EVC2: variants seen among roughly 807,000 people sequenced by gnomAD.
The protein encoded by EVC2 is limbin.
EVC2 carries 148 observed loss-of-function variants against 149.3 expected under a neutral mutation model. That is an observed-to-expected ratio of 0.99 (90% CI 0.87 to 1.14). The LOEUF (loss-of-function observed/expected upper bound fraction) is 1.14, where lower values mean the gene tolerates loss of function less well. Ranked by LOEUF, EVC2 falls within the 50% of genes most tolerant of loss-of-function variation. EVC2 has a pLI of 0.00. For synonymous variants in EVC2, 776 were observed against 649.9 expected, an observed-to-expected ratio of 1.19 and a Z score of -2.95; for missense variants, 1,854 against 1,627.3, an observed-to-expected ratio of 1.14 and a Z score of -2.40.
intron 10 of EVC2, among the ~76,000 whole-genome samples, chr4:5,638,775 C>T (rs1357007728): frequency 6.6e-6 from 1 of 151,922 alleles, no homozygotes; most frequent in Non-Finnish European, 1.5e-5. Context: ...GAGAGGGTTA[C>T]CAGGGAAAAG....
At chr4:5,579,909 C>A (rs1711610840) in intron 17 of EVC2, among the ~76,000 whole-genome samples, 1 of 152,164 alleles carries the variant, frequency 6.6e-6, no homozygotes, top group South Asian at 2.1e-4. Context: ...GCAATTTAAA[C>A]TGAAATGCAA....
intron 20 of EVC2, among the ~76,000 whole-genome samples, chr4:5,566,194 A>G (rs1172062839): frequency 6.6e-6 from 1 of 152,234 alleles, no homozygotes; most frequent in Non-Finnish European, 1.5e-5. Context: ...CCTAGACTGA[A>G]GGAGAGGGCG....
At position 5,657,876 on chromosome 4, in the gene EVC2, C is replaced by T. The variant is rs1480067787; in HGVS notation, c.1145+5231G>A. Among the ~76,000 whole-genome samples the T allele has an allele frequency of 6.6e-6, 1 of 152,058 alleles. No individual in the cohort carries two copies. Among genetic ancestry groups the T allele is most frequent in the Admixed American group, 6.5e-5 (1 of 15,278 alleles). Reference sequence around the variant, plus strand: ...CTCTGATGACTCTTCAATCTCTGTGCCCTCTACACCTCCCACCCTGGCCTG... The same window carrying T: ...CTCTGATGACTCTTCAATCTCTGTGTCCTCTACACCTCCCACCCTGGCCTG... On this transcript the variant is annotated intron_variant, in intron 9 of 21. Coordinates refer to ENST00000344408, the MANE Select transcript of EVC2 (RefSeq NM_147127.5). The surrounding 1 kb of genome is among the most constrained non-coding windows in gnomAD (Gnocchi z 4.7).
At chr4:5,658,838 C>T (rs996613581) in intron 9 of EVC2, among the ~76,000 whole-genome samples, 1 of 152,152 alleles carries the variant, frequency 6.6e-6, no homozygotes, top group African/African-American at 2.4e-5. Context: ...AGGTGTGTGG[C>T]AGTGGTCAGG....
chr4:5,689,203 G>A lies in EVC2; in HGVS notation c.660C>T (p.Asn220=), dbSNP rs746099524. 6.2e-7 allele frequency: 1 copy of A among 1,614,238 alleles called. No individual in the cohort carries two copies. Among genetic ancestry groups the A allele is most frequent in the Non-Finnish European group, 8.5e-7 (1 of 1,180,048 alleles). ...AAGCCTGGAATCCTTCCGAGGTCCT[G>A]TTTCCCACAGAGTCCCAAATGGTGA... ...AGLTIWDSVG[N]RTSEGFQAFS... Residue 220 remains asparagine (N), a synonymous_variant, in exon 5 of 22, where the codon AAC becomes AAT. Coordinates refer to ENST00000344408, the MANE Select transcript of EVC2 (RefSeq NM_147127.5).
At chr4:5,615,980 G>C (rs971770344) in intron 15 of EVC2, among the ~76,000 whole-genome samples, 7 of 152,228 alleles carry the variant, frequency 4.6e-5, no homozygotes, top group Admixed American at 4.6e-4. Flanking sequence ...AGGACACTAG[G>C]AGCAGAGCCA....
chr4:5,665,432 C>A (rs1719201645), intron 8 of EVC2, 83 bp downstream of exon 8: 1 of 1,603,356 alleles, frequency 6.2e-7, no homozygotes, highest in Admixed American at 1.7e-5. Context: ...TGATGGGGAT[C>A]CAGGGCTGAG....
At chr4:5,650,247 T>C (rs573573982) in intron 9 of EVC2, among the ~76,000 whole-genome samples, 349 of 152,154 alleles carry the variant, frequency 2.3e-3, no homozygotes, top group African/African-American at 8.3e-3. Flanking sequence ...GGCCAGACTA[T>C]GACAGAAGGC....
intron 7 of EVC2, among the ~76,000 whole-genome samples, chr4:5,666,045 A>G (rs965462983): frequency 3.3e-5 from 5 of 152,166 alleles, no homozygotes; most frequent in Non-Finnish European, 5.9e-5. Flanking sequence ...GGAAGAACCC[A>G]TGGCACCCTC....
intron 16 of EVC2, among the ~76,000 whole-genome samples, chr4:5,600,449 A>G (rs938134519): frequency 3.3e-5 from 5 of 152,196 alleles, no homozygotes; most frequent in Non-Finnish European, 7.3e-5. Context: ...TACATGCACA[A>G]TATAAAAAAA....
intron 9 of EVC2, among the ~76,000 whole-genome samples, chr4:5,644,594 T>C (rs1489287695): frequency 6.6e-6 from 1 of 152,148 alleles, no homozygotes; most frequent in Non-Finnish European, 1.5e-5. Context: ...TGAGCCACCG[T>C]GTCTGGCCAC....
chr4:5,598,983 C>A (rs1036607440), intron 16 of EVC2, among the ~76,000 whole-genome samples: 13 of 152,184 alleles, frequency 8.5e-5, no homozygotes, highest in Admixed American at 3.9e-4. Context: ...CTCACCATCA[C>A]TGGCCATCAG....
rs1337571484 is a variant in EVC2, at chr4:5,633,421, C to T, written c.1471-1389G>A. On this transcript the variant is annotated intron_variant, in intron 10 of 21. Coordinates refer to ENST00000344408, the MANE Select transcript of EVC2 (RefSeq NM_147127.5). This position sits in a 1 kb window ranked among gnomAD's most constrained non-coding sequence, Gnocchi z 4.4. ...TAGGCAGGAATAGAAAACTGACACC[C>T]TCCGTTTTATAAGAGAAGAAACACA... Among the ~76,000 whole-genome samples, 1 of 152,180 alleles carries T rather than the reference C, an allele frequency of 6.6e-6. No individual in the cohort carries two copies. The highest frequency in any genetic ancestry group is 2.4e-5 in the African/African-American group (1 of 41,446).
rs759646321 is a variant in EVC2 at position 5,576,172 on chromosome 4, G to A, written c.3272+68C>T. 506 of 1,612,416 alleles carry A rather than the reference G, an allele frequency of 3.1e-4. No individual in the cohort carries two copies. Among genetic ancestry groups the A allele is most frequent in the Non-Finnish European group, 3.9e-4 (458 of 1,180,002 alleles). On this transcript the variant is annotated intron_variant, in intron 18 of 21. Transcript: ENST00000344408. The surrounding 1 kb of genome is among the most constrained non-coding windows in gnomAD (Gnocchi z 4.5). ...CAGGTGGGTATGGGTGGGCTGAGTT[G>A]GAGATGCCAGGTTCTCCAGGACTGC...
intron 21 of EVC2, among the ~76,000 whole-genome samples, chr4:5,547,894 G>C (rs1337471483): frequency 2.6e-5 from 4 of 152,196 alleles, no homozygotes; most frequent in African/African-American, 9.6e-5. Context: ...CCAAGGCTGT[G>C]ACTTCCTCTT....
chr4:5,552,725 A>G (rs1457504424), intron 21 of EVC2, among the ~76,000 whole-genome samples: 1 of 152,216 alleles, frequency 6.6e-6, no homozygotes, highest in Non-Finnish European at 1.5e-5. Flanking sequence ...ACCCAAACAG[A>G]GTCCGCAGGT....
chr4:5,676,396 T>G (rs554758607), intron 7 of EVC2, among the ~76,000 whole-genome samples: 1 of 152,200 alleles, frequency 6.6e-6, no homozygotes, highest in Non-Finnish European at 1.5e-5. Context: ...CATCTTTACC[T>G]TGTATTTTTA....
At position 5,686,094 on chromosome 4, in the gene EVC2, T is replaced by TAACA. The variant is rs149431477; in HGVS notation, c.707-616_707-615insTGTT. ...TAACATATATACACACACATATATA[T>TAACA]TACACACACACACACACACACACAC... On this transcript the variant is annotated intron_variant, in intron 5 of 21. Transcript: ENST00000344408. This position sits in a 1 kb window ranked among gnomAD's most constrained non-coding sequence, Gnocchi z 5.4. Among the ~76,000 whole-genome samples, 136,436 of 149,794 alleles carry TAACA rather than the reference T, an allele frequency of 0.91. 62,146 individuals are homozygous for TAACA. Among genetic ancestry groups the TAACA allele is most frequent in the African/African-American group, 0.94 (38,147 of 40,568 alleles).
chr4:5,630,119 A>G (rs146707749), intron 11 of EVC2, among the ~76,000 whole-genome samples: 3 of 152,330 alleles, frequency 2.0e-5, no homozygotes, highest in Non-Finnish European at 4.4e-5. Flanking sequence ...TGCTTTATGT[A>G]TGCTCACTGA....
Sources: gnomAD v4.1 joint callset for allele counts (sites outside exome capture counted in the v4.1 genomes callset) on GRCh38, gnomAD v4.1.1 for gene constraint, Gnocchi (gnomAD v3.1) non-coding constraint, MANE v1.5 for transcripts, NCBI Gene and HGNC (gene_info 2026-07-23, HGNC 2026-07-21) for gene names.